TNNI3K: variants seen among roughly 807,000 people sequenced by gnomAD.
TNNI3K encodes the protein serine/threonine-protein kinase TNNI3K.
In TNNI3K, 140 loss-of-function variants were observed where a neutral mutation model predicts 114.5. That is an observed-to-expected ratio of 1.22 (90% CI 1.07 to 1.41). TNNI3K has a LOEUF of 1.41. Among genes scored for constraint, TNNI3K ranks in the 40% most tolerant of loss-of-function variants. The probability of loss-of-function intolerance (pLI) is 0.00; values close to 1 mark genes in which losing one functional copy is unlikely to be tolerated. For synonymous variants in TNNI3K, 347 were observed against 347.5 expected (o/e 1.00, Z 0.02); for missense variants, 1,125 against 1,007.6 (o/e 1.12, Z -1.58).
chr1:74,368,099 G>A (rs369320888), intron 13 of TNNI3K, 135 bp downstream of exon 13: 45 of 808,960 alleles, frequency 5.6e-5, no homozygotes, highest in Middle Eastern at 4.0e-4. Flanking sequence ...TTGACAGACC[G>A]TTCTTTTCAT....
intron 5 of TNNI3K, among the ~76,000 whole-genome samples, chr1:74,315,561 T>G (rs1050904173): frequency 1.3e-5 from 2 of 152,060 alleles, no homozygotes; most frequent in African/African-American, 4.8e-5. Context: ...TTTTGGTTTT[T>G]TTTTTTAACT....
intron 7 of TNNI3K, among the ~76,000 whole-genome samples, chr1:74,336,949 A>G (rs2100427854): frequency 6.6e-6 from 1 of 152,164 alleles, no homozygotes; most frequent in African/African-American, 2.4e-5. Flanking sequence ...TGGTTGAACT[A>G]GTCTACAGTC....
chr1:74,331,451 C>CTGCTGATGTGCTGT lies in TNNI3K; in HGVS notation c.450_463dup (p.Gln155LeufsTer33). The CTGCTGATGTGCTGT allele has an allele frequency of 2.5e-6, 4 of 1,612,772 alleles. No homozygotes were observed. Among genetic ancestry groups the CTGCTGATGTGCTGT allele is most frequent in the Middle Eastern group, 1.7e-4 (1 of 6,056 alleles). On this transcript the variant is annotated frameshift_variant and splice_region_variant, in exon 6 of 25. Coordinates refer to ENST00000326637, the MANE Select transcript of TNNI3K (RefSeq NM_015978.3). LOFTEE classifies it high-confidence loss of function. Reference sequence around the variant, plus strand: ...AACCATAATCATTTTCTTGTCCAGGCTGCTGATGTGCTGTTGCAACATGGA... The same window carrying CTGCTGATGTGCTGT: ...AACCATAATCATTTTCTTGTCCAGGCTGCTGATGTGCTGTTGCTGATGTGCTGTTGCAACATGGA...
intron 21 of TNNI3K, chr1:74,464,852 T>C: frequency 7.0e-7 from 1 of 1,425,440 alleles, no homozygotes; most frequent in Admixed American, 2.6e-5. Context: ...GTTTATTTTG[T>C]TCACTGCTAT....
intron 5 of TNNI3K, among the ~76,000 whole-genome samples, chr1:74,290,160 A>T (rs1470643089): frequency 1.3e-5 from 2 of 151,748 alleles, no homozygotes; most frequent in African/African-American, 4.8e-5. Flanking sequence ...ATGGGATTAA[A>T]GAGATGTATA....
intron 21 of TNNI3K, among the ~76,000 whole-genome samples, chr1:74,482,968 C>T (rs1668578700): frequency 1.3e-5 from 2 of 152,082 alleles, no homozygotes; most frequent in South Asian, 4.2e-4. Context: ...AAAGTATGTA[C>T]AAAGATATTA....
chr1:74,544,238 G>A lies in TNNI3K; in HGVS notation c.*256G>A. 2.5e-6 allele frequency: 1 copy of A among 394,674 alleles called. No individual in the cohort carries two copies. Among genetic ancestry groups the A allele is most frequent in the South Asian group, 4.3e-5 (1 of 23,010 alleles). 24.4% of individuals were successfully genotyped at this position (394,674 alleles called of 1,614,324 possible). A position where few individuals can be genotyped will look rare whatever the true frequency, so the allele number is the denominator to read the frequency against. On this transcript the variant is annotated 3_prime_UTR_variant, in exon 25 of 25. Transcript: ENST00000326637. ...ATTTTGTAAATTAAAAAAAAATTTA[G>A]ATCGTTACTTGGAAATGGAGCCTAA...
intron 21 of TNNI3K, among the ~76,000 whole-genome samples, chr1:74,482,690 T>G (rs1453901678): frequency 6.6e-6 from 1 of 152,220 alleles, no homozygotes; most frequent in Non-Finnish European, 1.5e-5. Context: ...GTAAATCACA[T>G]TCTCCTCAAA....
intron 4 of TNNI3K, among the ~76,000 whole-genome samples, chr1:74,252,797 G>A (rs1444631321): frequency 1.3e-5 from 2 of 152,180 alleles, no homozygotes; most frequent in Non-Finnish European, 2.9e-5. Flanking sequence ...GAGTGTTACA[G>A]CTCATAAAGG....
At position 74,444,351 on chromosome 1, in the gene TNNI3K, A is replaced by G. The variant is rs1165494819; in HGVS notation, c.2011+4729A>G. On this transcript the variant is annotated intron_variant, in intron 20 of 24. Coordinates refer to ENST00000326637, the MANE Select transcript of TNNI3K (RefSeq NM_015978.3). ...CAGTAAAGTCTCAGGATACAAATCAATGTGCAAAAATCACAAGCATTCCTA... is the reference window on the plus strand; with the variant it reads ...CAGTAAAGTCTCAGGATACAAATCAGTGTGCAAAAATCACAAGCATTCCTA... 3.3e-5 allele frequency among the ~76,000 whole-genome samples: 5 copies of G among 152,020 alleles called. No homozygotes were observed. In the South Asian group the frequency reaches 8.3e-4, roughly 25 times the overall value.
chr1:74,340,466 G>A (rs1660696754), intron 7 of TNNI3K, among the ~76,000 whole-genome samples: 2 of 152,068 alleles, frequency 1.3e-5, no homozygotes, highest in Admixed American at 1.3e-4. Context: ...CACAATGACT[G>A]AGGCAAAAAC....
At chr1:74,541,218 C>T (rs919505441) in intron 24 of TNNI3K, among the ~76,000 whole-genome samples, 3 of 152,134 alleles carry the variant, frequency 2.0e-5, no homozygotes, top group African/African-American at 7.2e-5. Flanking sequence ...GGGAGACCCT[C>T]GGCTTTGGGA....
chr1:74,287,521 A>G (rs1484313050), intron 5 of TNNI3K, among the ~76,000 whole-genome samples: 1 of 152,190 alleles, frequency 6.6e-6, no homozygotes. Flanking sequence ...CAAAGGTGGC[A>G]GGAACACACA....
chr1:74,541,764 G>T (rs1174706212), intron 24 of TNNI3K, among the ~76,000 whole-genome samples: 1 of 152,196 alleles, frequency 6.6e-6, no homozygotes, highest in Non-Finnish European at 1.5e-5. Flanking sequence ...AACATGGAGG[G>T]TGTTTGGATG....
At chr1:74,387,988 G>A (rs919499432) in intron 17 of TNNI3K, among the ~76,000 whole-genome samples, 1 of 152,128 alleles carries the variant, frequency 6.6e-6, no homozygotes. Context: ...TACCTTTAAA[G>A]AACACTTAAG....
rs540392375 is a variant in TNNI3K, at chr1:74,460,230, G to C, written c.2012-3211G>C. ...CTACAGGCGCCAGCCACCACGTCCA[G>C]CTAATTTTTTGTGTTTTTAGTAGAG... is the stretch of plus-strand genomic sequence containing the variant. On this transcript the variant is annotated intron_variant, in intron 20 of 24. Coordinates refer to ENST00000326637, the MANE Select transcript of TNNI3K (RefSeq NM_015978.3). Among the ~76,000 whole-genome samples, 5 of 152,180 alleles carry C rather than the reference G, an allele frequency of 3.3e-5. No individual in the cohort carries two copies. The South Asian group carries it at 1.0e-3, about 32-fold the overall frequency.
chr1:74,468,965 A>G lies in TNNI3K; in HGVS notation c.2121+5415A>G, dbSNP rs140434784. 2.6e-5 allele frequency: 4 copies of G among 152,294 alleles called. No homozygotes were observed. In the East Asian group the frequency reaches 7.7e-4, roughly 29 times the overall value. 9.4% of individuals were successfully genotyped at this position (152,294 alleles called of 1,614,324 possible). ...TACTGTTTTTAAATTTAATATTTATATTCACATTTAATTCCAGTGTATAAG... is the reference window on the plus strand; with the variant it reads ...TACTGTTTTTAAATTTAATATTTATGTTCACATTTAATTCCAGTGTATAAG... On this transcript the variant is annotated intron_variant, in intron 21 of 24. Coordinates refer to ENST00000326637, the MANE Select transcript of TNNI3K (RefSeq NM_015978.3).
intron 5 of TNNI3K, among the ~76,000 whole-genome samples, chr1:74,309,012 A>G (rs921163394): frequency 7.2e-5 from 11 of 152,168 alleles, no homozygotes; most frequent in Non-Finnish European, 1.2e-4. Context: ...AGTGATAGAA[A>G]AACTACCAAC....
chr1:74,475,157 C>CAG, intron 21 of TNNI3K: 1 of 551,982 alleles, frequency 1.8e-6, no homozygotes, highest in Non-Finnish European at 3.2e-6. Flanking sequence ...CACACACACA[C>CAG]AGTATTTTTA....
Sources: gnomAD v4.1 joint callset for allele counts (sites outside exome capture counted in the v4.1 genomes callset) on GRCh38, gnomAD v4.1.1 for gene constraint, MANE v1.5 for transcripts, NCBI Gene and HGNC (gene_info 2026-07-23, HGNC 2026-07-21) for gene names.